SLC24A3: variants seen among roughly 807,000 people sequenced by gnomAD.
SLC24A3 encodes the protein sodium/potassium/calcium exchanger 3.
A neutral mutation model predicts 75.8 loss-of-function variants in SLC24A3; 28 were observed. That is an observed-to-expected ratio of 0.37 (90% CI 0.27 to 0.51). The LOEUF is 0.51. Ranked by LOEUF, SLC24A3 falls within the 20% of genes least tolerant of loss-of-function variation. The pLI, the probability that SLC24A3 is intolerant of heterozygous loss-of-function variation, is 0.94. For synonymous variants in SLC24A3, 372 were observed against 334.1 expected, an observed-to-expected ratio of 1.11 and a Z score of -1.24; for missense variants, 663 against 847.8, an observed-to-expected ratio of 0.78 and a Z score of 2.71.
chr20:19,437,382 T>C (rs1366849986), intron 2 of SLC24A3, among the ~76,000 whole-genome samples: 1 of 152,226 alleles, frequency 6.6e-6, no homozygotes, highest in Non-Finnish European at 1.5e-5. Flanking sequence ...CCCGATTCCC[T>C]GTGAAGTGGT....
At chr20:19,468,928 T>C (rs1035755828) in intron 2 of SLC24A3, among the ~76,000 whole-genome samples, 1 of 151,942 alleles carries the variant, frequency 6.6e-6, no homozygotes, top group Non-Finnish European at 1.5e-5. Flanking sequence ...GAACGGTGGG[T>C]AATGAAAAGA....
chr20:19,690,223 G>A (rs1242699111), intron 12 of SLC24A3, among the ~76,000 whole-genome samples: 2 of 152,036 alleles, frequency 1.3e-5, no homozygotes, highest in Non-Finnish European at 2.9e-5. Context: ...TTGTTACAAA[G>A]GGGCAATAAC....
Position 19,671,762 on chromosome 20 carries a change from G to T in SLC24A3, c.714-1839G>T, listed in dbSNP as rs916418666. On this transcript the variant is annotated intron_variant, in intron 8 of 16. Transcript: ENST00000328041. ...CAGAGGCCAAATATATGAATCTGGA[G>T]CTGGAGAGAGGTGTGGTGTGGATGT... is the stretch of plus-strand genomic sequence containing the variant. Among the ~76,000 whole-genome samples, 11 of 152,260 alleles carry T rather than the reference G, an allele frequency of 7.2e-5. 1 individual carries two copies. Among genetic ancestry groups the T allele is most frequent in the Admixed American group, 2.0e-4 (3 of 15,296 alleles).
At chr20:19,254,814 T>G (rs1225436902) in intron 1 of SLC24A3, among the ~76,000 whole-genome samples, 1 of 152,102 alleles carries the variant, frequency 6.6e-6, no homozygotes, top group Non-Finnish European at 1.5e-5. Context: ...GGCAGCATGG[T>G]GGTCAGGAAC....
At chr20:19,443,572 G>A (rs1987329819) in intron 2 of SLC24A3, among the ~76,000 whole-genome samples, 1 of 152,104 alleles carries the variant, frequency 6.6e-6, no homozygotes, top group Non-Finnish European at 1.5e-5. Flanking sequence ...TGTTGTTGTT[G>A]TTGATTCTTT....
At chr20:19,430,807 G>GAC (rs3057537) in intron 2 of SLC24A3, among the ~76,000 whole-genome samples, 33,218 of 151,826 alleles carry the variant, frequency 0.22, 6,141 homozygotes, top group East Asian at 0.74. Flanking sequence ...TGCACTCATG[G>GAC]ACACACATGC....
chr20:19,579,956 C>CT, intron 3 of SLC24A3, 44 bp from the exon 4 acceptor site: 2 of 1,464,016 alleles, frequency 1.4e-6, no homozygotes, highest in Non-Finnish European at 1.9e-6. Flanking sequence ...CTTCCTGGCT[C>CT]TGCCTCACTC....
chr20:19,543,905 A>C (rs990131590), intron 3 of SLC24A3, among the ~76,000 whole-genome samples: 1 of 152,170 alleles, frequency 6.6e-6, no homozygotes, highest in Non-Finnish European at 1.5e-5. Flanking sequence ...CCCTGAAATG[A>C]GTGCTGCCTC....
chr20:19,368,181 A>G (rs1471604613), intron 2 of SLC24A3, among the ~76,000 whole-genome samples: 2 of 110,308 alleles, frequency 1.8e-5, no homozygotes, highest in African/African-American at 8.4e-5. Flanking sequence ...ACCTAGAGGG[A>G]TGTTGGGCTT....
intron 16 of SLC24A3, among the ~76,000 whole-genome samples, chr20:19,719,806 G>A (rs1381657073): frequency 2.0e-5 from 3 of 152,178 alleles, no homozygotes; most frequent in Non-Finnish European, 4.4e-5. Flanking sequence ...AGCCAAGCAA[G>A]GACAACCAAG....
At chr20:19,244,004 C>A (rs1982410053) in intron 1 of SLC24A3, 1 of 152,158 alleles carries the variant, frequency 6.6e-6, no homozygotes, top group African/African-American at 2.4e-5. Flanking sequence ...TGTAGATAAT[C>A]AAATATCTTC....
intron 2 of SLC24A3, among the ~76,000 whole-genome samples, chr20:19,296,981 C>G (rs550353138): frequency 6.6e-6 from 1 of 152,266 alleles, no homozygotes; most frequent in Non-Finnish European, 1.5e-5. Context: ...AATACAGGAG[C>G]CAGCTGTATT....
At chr20:19,475,105 G>A (rs184922628) in intron 2 of SLC24A3, among the ~76,000 whole-genome samples, 19 of 152,260 alleles carry the variant, frequency 1.2e-4, no homozygotes, top group African/African-American at 3.4e-4. Flanking sequence ...TTCGGAGGCC[G>A]AGGTGGGAGG....
intron 3 of SLC24A3, among the ~76,000 whole-genome samples, chr20:19,556,266 C>T (rs1211649046): frequency 6.6e-6 from 1 of 152,128 alleles, no homozygotes. Flanking sequence ...TTGCCTGTTT[C>T]TCATCTCCTT....
intron 3 of SLC24A3, among the ~76,000 whole-genome samples, chr20:19,554,424 G>T (rs1242631184): frequency 6.6e-6 from 1 of 152,156 alleles, no homozygotes; most frequent in Non-Finnish European, 1.5e-5. Flanking sequence ...AACAGAGTTT[G>T]TGGAGAGAAG....
chr20:19,583,191 CAGAG>C (rs756392706), intron 4 of SLC24A3, among the ~76,000 whole-genome samples: 1 of 151,856 alleles, frequency 6.6e-6, no homozygotes, highest in African/African-American at 2.4e-5. Context: ...TGCAGAAGTG[CAGAG>C]AGAGAGTGGG....
At chr20:19,331,838 C>A (rs532507070) in intron 2 of SLC24A3, among the ~76,000 whole-genome samples, 23 of 152,036 alleles carry the variant, frequency 1.5e-4, no homozygotes, top group Admixed American at 1.5e-3. Context: ...ATCAGTGTTA[C>A]GGAAAAAGGG....
At chr20:19,481,825 G>A (rs1216000948) in intron 2 of SLC24A3, among the ~76,000 whole-genome samples, 1 of 152,030 alleles carries the variant, frequency 6.6e-6, no homozygotes, top group Non-Finnish European at 1.5e-5. Context: ...CCCCTCTTTG[G>A]CCCCTCCCCT....
At chr20:19,394,958 G>C (rs1986427752) in intron 2 of SLC24A3, among the ~76,000 whole-genome samples, 1 of 152,196 alleles carries the variant, frequency 6.6e-6, no homozygotes, top group Admixed American at 6.5e-5. Flanking sequence ...CAAAATGTGG[G>C]AGCAACCCAA....
Sources: allele counts gnomAD v4.1 joint callset (sites outside exome capture counted in the v4.1 genomes callset), GRCh38; gene constraint gnomAD v4.1.1; transcripts MANE v1.5; gene names NCBI Gene and HGNC (gene_info 2026-07-23, HGNC 2026-07-21).